Variants in GRID2 observed in about 807,000 individuals in gnomAD.
The protein encoded by GRID2 is glutamate receptor ionotropic, delta-2.
A neutral mutation model predicts 114.8 loss-of-function variants in GRID2; 33 were observed. The observed-to-expected ratio is 0.29, with a 90% CI of 0.22 to 0.38. The LOEUF (loss-of-function observed/expected upper bound fraction) is 0.38. GRID2 is among the 10% of genes least tolerant of loss of function. The pLI, the probability that GRID2 is intolerant of heterozygous loss-of-function variation, is 1.00. For missense variants in GRID2, 1,184 were observed against 1,257.7 expected, an observed-to-expected ratio of 0.94 and a Z score of 0.89; for synonymous variants, 505 against 449.9, an observed-to-expected ratio of 1.12 and a Z score of -1.55.
chr4:92,484,698 C>A (rs953919839), intron 1 of GRID2, among the ~76,000 whole-genome samples: 6 of 151,918 alleles, frequency 3.9e-5, no homozygotes, highest in Admixed American at 3.3e-4. Flanking sequence ...ACTAAAAATT[C>A]TGGGTCTAGT....
intron 8 of GRID2, among the ~76,000 whole-genome samples, chr4:93,379,931 T>C (rs1437190339): frequency 6.6e-6 from 1 of 152,046 alleles, no homozygotes; most frequent in African/African-American, 2.4e-5. Flanking sequence ...TTTCCCCAAA[T>C]AGATAGTGTT....
chr4:93,425,771 TTC>T (rs1230660031), intron 10 of GRID2, among the ~76,000 whole-genome samples: 2 of 152,244 alleles, frequency 1.3e-5, no homozygotes, highest in Admixed American at 1.3e-4. Context: ...AAGACTGACT[TTC>T]TACTTGAGCT....
chr4:93,689,352 T>C (rs1178113653), intron 14 of GRID2, among the ~76,000 whole-genome samples: 1 of 152,100 alleles, frequency 6.6e-6, no homozygotes, highest in Non-Finnish European at 1.5e-5. Context: ...GTTGAATTAC[T>C]AACTCAATAT....
At chr4:92,816,489 C>T (rs531443865) in intron 2 of GRID2, among the ~76,000 whole-genome samples, 1 of 152,070 alleles carries the variant, frequency 6.6e-6, no homozygotes, top group African/African-American at 2.4e-5. Context: ...TACTGATTGT[C>T]TGTTATATAG....
chr4:92,747,794 G>A (rs1239846578), intron 2 of GRID2, among the ~76,000 whole-genome samples: 3 of 151,954 alleles, frequency 2.0e-5, no homozygotes, highest in African/African-American at 7.3e-5. Flanking sequence ...ATACTTCCAG[G>A]TAAGACCTTG....
At chr4:93,447,406 A>T (rs1040411048) in intron 10 of GRID2, among the ~76,000 whole-genome samples, 3 of 152,054 alleles carry the variant, frequency 2.0e-5, no homozygotes, top group African/African-American at 7.2e-5. Context: ...TTGAAAAGAT[A>T]TAAAACAAAA....
intron 1 of GRID2, among the ~76,000 whole-genome samples, chr4:92,486,815 T>C (rs1722919786): frequency 6.6e-6 from 1 of 151,902 alleles, no homozygotes; most frequent in Non-Finnish European, 1.5e-5. Flanking sequence ...GGCCCACAGG[T>C]ATATGAACAG....
chr4:92,857,812 T>C (rs944620598), intron 2 of GRID2, among the ~76,000 whole-genome samples: 1 of 152,160 alleles, frequency 6.6e-6, no homozygotes. Context: ...TCTAGGACTT[T>C]CATAAATCAA....
chr4:92,431,275 T>G (rs1732428282), intron 1 of GRID2, among the ~76,000 whole-genome samples: 1 of 152,312 alleles, frequency 6.6e-6, no homozygotes. Context: ...TGCAGTATAT[T>G]TTATCTATCC....
At chr4:92,602,473 T>C (rs1729263391) in intron 2 of GRID2, among the ~76,000 whole-genome samples, 1 of 152,174 alleles carries the variant, frequency 6.6e-6, no homozygotes, top group Admixed American at 6.5e-5. Context: ...TCTCAATAGA[T>C]GCTGAAAAGG....
rs376004169 is a variant in GRID2 at position 93,689,879 on chromosome 4, C to G, written c.2360+63444C>G. On this transcript the variant is annotated intron_variant, in intron 14 of 15. Coordinates refer to ENST00000282020, the MANE Select transcript of GRID2 (RefSeq NM_001510.4). ...GATAAAGAAAGCATCCTCCAAAAAT[C>G]TAACTAAACATTACATTTACTACTA... Among the ~76,000 whole-genome samples, 20 of 152,116 alleles carry G rather than the reference C, an allele frequency of 1.3e-4. No individual in the cohort carries two copies. In the East Asian group the frequency reaches 2.1e-3, roughly 16 times the overall value.
At chr4:93,296,606 A>T (rs1754337671) in intron 8 of GRID2, among the ~76,000 whole-genome samples, 1 of 152,198 alleles carries the variant, frequency 6.6e-6, no homozygotes, top group African/African-American at 2.4e-5. Flanking sequence ...TCCAACAAAC[A>T]AACATATATG....
At chr4:92,995,302 A>G (rs1252077182) in intron 2 of GRID2, among the ~76,000 whole-genome samples, 1 of 152,158 alleles carries the variant, frequency 6.6e-6, no homozygotes, top group African/African-American at 2.4e-5. Flanking sequence ...GTGTCATTAA[A>G]AATGTGTTTG....
chr4:93,591,389 C>A (rs1365441382), intron 13 of GRID2, among the ~76,000 whole-genome samples: 2 of 151,398 alleles, frequency 1.3e-5, no homozygotes, highest in Admixed American at 1.3e-4. Flanking sequence ...ACCAGCCTTG[C>A]ATCCCAGGGA....
At chr4:92,438,840 AT>A (rs1732865537) in intron 1 of GRID2, among the ~76,000 whole-genome samples, 1 of 152,216 alleles carries the variant, frequency 6.6e-6, no homozygotes, top group African/African-American at 2.4e-5. Flanking sequence ...CTGTGCATCT[AT>A]TCATGTAATA....
At chr4:93,101,783 C>T (rs1682574542) in intron 3 of GRID2, among the ~76,000 whole-genome samples, 1 of 151,900 alleles carries the variant, frequency 6.6e-6, no homozygotes, top group Non-Finnish European at 1.5e-5. Flanking sequence ...GGGAAACTGG[C>T]CTAAATAAGT....
chr4:92,789,746 T>C (rs2149363552), intron 2 of GRID2, among the ~76,000 whole-genome samples: 1 of 152,066 alleles, frequency 6.6e-6, no homozygotes, highest in Middle Eastern at 3.4e-3. Context: ...TTGATGTCCT[T>C]ACAGTTTTAA....
intron 8 of GRID2, among the ~76,000 whole-genome samples, chr4:93,240,775 A>G (rs1466332388): frequency 6.6e-6 from 1 of 150,760 alleles, no homozygotes; most frequent in South Asian, 2.1e-4. Flanking sequence ...TTTTATATAT[A>G]TACGGGGTAA....
intron 14 of GRID2, among the ~76,000 whole-genome samples, chr4:93,629,213 T>C (rs555165564): frequency 6.6e-6 from 1 of 152,362 alleles, no homozygotes; most frequent in African/African-American, 2.4e-5. Flanking sequence ...AAATGTACTC[T>C]AGTGAACTGC....
Sources: gnomAD v4.1 joint callset for allele counts (sites outside exome capture counted in the v4.1 genomes callset) on GRCh38, gnomAD v4.1.1 for gene constraint, MANE v1.5 for transcripts, NCBI Gene and HGNC (gene_info 2026-07-23, HGNC 2026-07-21) for gene names.